WAC: variants seen among roughly 807,000 people sequenced by gnomAD.
WAC encodes WW domain-containing adapter protein with coiled-coil.
A neutral mutation model predicts 79.6 loss-of-function variants in WAC; 11 were observed. That is an observed-to-expected ratio of 0.14 (90% CI 0.09 to 0.23). The LOEUF is 0.23. Among genes scored for constraint, WAC ranks in the 10% least tolerant of loss-of-function variants. The pLI, the probability that WAC is intolerant of heterozygous loss-of-function variation, is 1.00. For synonymous variants in WAC, 304 were observed against 276.9 expected (o/e 1.10, Z -0.97); for missense variants, 728 against 773.5 (o/e 0.94, Z 0.70).
chr10:28,614,539 A>T, intron 10 of WAC, 28 bp from the exon 11 acceptor site: 1 of 1,555,778 alleles, frequency 6.4e-7, no homozygotes, highest in Non-Finnish European at 8.9e-7. Flanking sequence ...AGATTTGGAG[A>T]CCATCTCACC....
chr10:28,587,873 G>T (rs1466111324), intron 4 of WAC, among the ~76,000 whole-genome samples: 2 of 152,002 alleles, frequency 1.3e-5, no homozygotes, highest in Non-Finnish European at 2.9e-5. Flanking sequence ...TTCTGTCCTG[G>T]AGGTTGTGCC....
chr10:28,539,340 C>G (rs192439192), intron 3 of WAC, among the ~76,000 whole-genome samples: 1 of 152,082 alleles, frequency 6.6e-6, no homozygotes, highest in African/African-American at 2.4e-5. Context: ...ATAAGACTTG[C>G]TGTAACATAG....
intron 12 of WAC, 64 bp downstream of exon 12, chr10:28,616,426 C>G: frequency 1.5e-6 from 2 of 1,292,082 alleles, no homozygotes; most frequent in Middle Eastern, 2.0e-4. Flanking sequence ...TAATCAACTT[C>G]TAGAGAATCT....
At chr10:28,557,663 C>CA (rs1284609460) in intron 3 of WAC, among the ~76,000 whole-genome samples, 1 of 152,060 alleles carries the variant, frequency 6.6e-6, no homozygotes, top group Non-Finnish European at 1.5e-5. Context: ...CACTGCACTC[C>CA]AGCCTGGGAG....
At chr10:28,569,444 A>G (rs1386930690) in intron 3 of WAC, among the ~76,000 whole-genome samples, 1 of 152,210 alleles carries the variant, frequency 6.6e-6, no homozygotes, top group Non-Finnish European at 1.5e-5. Flanking sequence ...TTTAAGAATT[A>G]TATTTTTGCC....
At chr10:28,565,605 ATAT>A (rs1338546042) in intron 3 of WAC, among the ~76,000 whole-genome samples, 3 of 152,284 alleles carry the variant, frequency 2.0e-5, no homozygotes, top group South Asian at 4.1e-4. Context: ...TTATCAAATA[ATAT>A]TATTATAAAT....
intron 3 of WAC, among the ~76,000 whole-genome samples, chr10:28,578,922 T>C (rs1839387367): frequency 6.6e-6 from 1 of 152,158 alleles, no homozygotes. Context: ...TTGCCCTGGC[T>C]AAGCACTGGA....
chr10:28,538,866 T>TAA lies in WAC; in HGVS notation c.274+3126_274+3127dup, dbSNP rs5784069. ...GTTGATAGAGTGAGACCCGTCTGTT[T>TAA]AAAAAAAAAAAAAAAAAAGAAAAAA... On this transcript the variant is annotated intron_variant, in intron 3 of 13. Transcript: ENST00000354911. Among the ~76,000 whole-genome samples, 63 of 126,898 alleles carry TAA rather than the reference T, an allele frequency of 5.0e-4. No homozygotes were observed. In the East Asian group the frequency reaches 6.9e-3, roughly 14 times the overall value. The allele number at this position is 126,898 out of a possible 152,430, so 83.3% of individuals were successfully genotyped here.
At chr10:28,578,979 A>G (rs1839390240) in intron 3 of WAC, among the ~76,000 whole-genome samples, 1 of 152,132 alleles carries the variant, frequency 6.6e-6, no homozygotes, top group Admixed American at 6.5e-5. Context: ...TGCAAGCTTA[A>G]GTATAGAGCC....
chr10:28,611,816 C>T lies in WAC; in HGVS notation c.1331C>T (p.Ala444Val), dbSNP rs771242997. Reference protein sequence around the residue: ...NQSPMSLTSDASSPRSYVSPR... With the variant: ...NQSPMSLTSDVSSPRSYVSPR... ...TCTCCGATGTCTTTAACATCTGATG[C>T]GTCATCCCCAAGATCATATGTTTCT... The change falls in exon 10 of 14, where the codon GCG becomes GTG. Residue 444 changes from alanine to valine, a missense_variant. Around this residue, in one of 3 missense-constraint regions of WAC, gnomAD observed 648 missense variants for 661.5 expected, o/e 0.98. Coordinates refer to ENST00000354911, the MANE Select transcript of WAC (RefSeq NM_016628.5). 6.2e-6 allele frequency: 10 copies of T among 1,614,056 alleles called. No individual in the cohort carries two copies. Among genetic ancestry groups the T allele is most frequent in the South Asian group, 1.1e-5 (1 of 91,080 alleles).
intron 8 of WAC, among the ~76,000 whole-genome samples, chr10:28,609,870 G>C (rs1841141870): frequency 6.7e-6 from 1 of 150,114 alleles, no homozygotes; most frequent in South Asian, 2.1e-4. Flanking sequence ...AGAAATAATA[G>C]TTAATGTCAA....
intron 3 of WAC, among the ~76,000 whole-genome samples, chr10:28,568,769 T>G (rs1266292764): frequency 6.6e-6 from 1 of 152,114 alleles, no homozygotes; most frequent in East Asian, 1.9e-4. Flanking sequence ...AGACGGGGTT[T>G]CACTATGCTG....
chr10:28,610,394 T>C lies in WAC; in HGVS notation c.1166-305T>C, dbSNP rs332172. 0.84 allele frequency among the ~76,000 whole-genome samples: 127,097 copies of C among 151,974 alleles called. 53,275 individuals are homozygous for C. The highest frequency in any genetic ancestry group is 0.94 in the East Asian group (4,868 of 5,178). ...CATATGAATAGGTTTCTGACATAAT[T>C]GGAAGTTCCTGTGAACACTCGTTAA... On this transcript the variant is annotated intron_variant, in intron 8 of 13. Transcript: ENST00000354911.
intron 3 of WAC, among the ~76,000 whole-genome samples, chr10:28,568,729 T>C (rs1328916602): frequency 6.6e-6 from 1 of 152,110 alleles, no homozygotes; most frequent in Non-Finnish European, 1.5e-5. Context: ...GTGTGTGATG[T>C]TCCCCTTATG....
intron 6 of WAC, chr10:28,591,325 C>A (rs967329156): frequency 6.4e-6 from 1 of 156,528 alleles, no homozygotes; most frequent in South Asian, 1.9e-4. Flanking sequence ...GATCACAGAT[C>A]TGTGTAACAT....
intron 3 of WAC, among the ~76,000 whole-genome samples, chr10:28,560,732 A>T (rs555853295): frequency 1.5e-4 from 23 of 152,304 alleles, no homozygotes; most frequent in African/African-American, 5.5e-4. Context: ...GCTGCTATAG[A>T]GTCTCTTGCA....
intron 3 of WAC, among the ~76,000 whole-genome samples, chr10:28,542,822 C>G (rs1317541409): frequency 4.6e-5 from 7 of 152,304 alleles, no homozygotes; most frequent in East Asian, 1.9e-4. Flanking sequence ...TCTGATAGAT[C>G]AGTAGCCTTC....
intron 12 of WAC, among the ~76,000 whole-genome samples, chr10:28,617,009 G>C (rs1230526501): frequency 1.3e-5 from 2 of 152,148 alleles, no homozygotes; most frequent in Non-Finnish European, 2.9e-5. Context: ...CGTGAACCCA[G>C]GAGGCAGAAG....
rs926786280 is a variant in WAC at position 28,534,040 on chromosome 10, A to G, written c.78+6A>G. The stretch of plus-strand genomic sequence containing the variant: ...GGGACTCGCAGCCTTACCAGGTACC[A>G]GCCGAGGCCGGGGTGGAGGGATTGG... On this transcript the variant is annotated splice_donor_region_variant and intron_variant, in intron 2 of 13. Transcript: ENST00000354911. The G allele has an allele frequency of 4.4e-6, 7 of 1,579,226 alleles. No individual in the cohort carries two copies. In the Admixed American group the frequency reaches 1.1e-4, roughly 24 times the overall value.
Sources: gnomAD v4.1 joint callset for allele counts (sites outside exome capture counted in the v4.1 genomes callset) on GRCh38, gnomAD v4.1.1 for gene constraint, gnomAD v4.1.1 regional missense constraint, MANE v1.5 for transcripts, NCBI Gene and HGNC (gene_info 2026-07-23, HGNC 2026-07-21) for gene names.